The following MRTFA variants were observed in gnomAD, a reference collection of about 807,000 sequenced individuals.
The protein encoded by MRTFA is myocardin related transcription factor A, also known as myocardin-related transcription factor A.
A neutral mutation model predicts 83.5 loss-of-function variants in MRTFA; 20 were observed. The ratio of observed to expected loss-of-function variants is 0.24; its 90% CI spans 0.17 to 0.35. The LOEUF (loss-of-function observed/expected upper bound fraction) is 0.35. Ranked by LOEUF, MRTFA falls within the 10% of genes least tolerant of loss-of-function variation. MRTFA has a pLI of 1.00. For missense variants in MRTFA, 1,200 were observed against 1,224.7 expected, an observed-to-expected ratio of 0.98 and a Z score of 0.30; for synonymous variants, 659 against 541.2, an observed-to-expected ratio of 1.22 and a Z score of -3.02.
At chr22:40,591,787 C>T (rs1280855700) in intron 2 of MRTFA, among the ~76,000 whole-genome samples, 2 of 151,756 alleles carry the variant, frequency 1.3e-5, no homozygotes, top group Non-Finnish European at 2.9e-5. Flanking sequence ...AGGAAGTGGC[C>T]AAGAGGAAAA....
At chr22:40,461,135 G>A (rs1489567068) in intron 4 of MRTFA, among the ~76,000 whole-genome samples, 3 of 149,422 alleles carry the variant, frequency 2.0e-5, no homozygotes, top group Non-Finnish European at 4.4e-5. Context: ...AGCCAGAGAG[G>A]TGGACGCTGC....
chr22:40,455,642 T>C (rs1192894119), intron 4 of MRTFA, among the ~76,000 whole-genome samples: 3 of 79,774 alleles, frequency 3.8e-5, no homozygotes, highest in African/African-American at 1.8e-4. Flanking sequence ...CCAGATGCAG[T>C]CTCAAAAAAA....
chr22:40,451,452 T>G (rs1378524766), intron 4 of MRTFA, among the ~76,000 whole-genome samples: 3 of 152,142 alleles, frequency 2.0e-5, no homozygotes, highest in Non-Finnish European at 2.9e-5. Flanking sequence ...ACCACCCGTT[T>G]TGGCACCGGC....
At chr22:40,625,462 T>C (rs1274891149) in intron 1 of MRTFA, among the ~76,000 whole-genome samples, 2 of 145,246 alleles carry the variant, frequency 1.4e-5, no homozygotes, top group Non-Finnish European at 3.1e-5. Flanking sequence ...AATAAATAAA[T>C]AAATAAATAA....
chr22:40,458,367 C>G (rs2053634126), intron 4 of MRTFA, among the ~76,000 whole-genome samples: 1 of 152,168 alleles, frequency 6.6e-6, no homozygotes, highest in Non-Finnish European at 1.5e-5. Context: ...AGTTGAGATG[C>G]TATGATCAGA....
At chr22:40,489,401 G>A (rs2054232295) in intron 3 of MRTFA, among the ~76,000 whole-genome samples, 2 of 151,584 alleles carry the variant, frequency 1.3e-5, no homozygotes, top group Admixed American at 1.3e-4. Flanking sequence ...CCAGGCTGGA[G>A]TGCAGTGTCG....
At position 40,582,013 on chromosome 22, in the gene MRTFA, G is replaced by A. The variant is rs184618851; in HGVS notation, c.-22+12661C>T. On this transcript the variant is annotated intron_variant, in intron 2 of 14. Transcript: ENST00000355630. ...CAAAGCTGTGGAACCATTACTACTA[G>A]CTAATACATCTTCTTTACCTTAAAA... is the stretch of plus-strand genomic sequence containing the variant. Among the ~76,000 whole-genome samples, 16 of 152,246 alleles carry A rather than the reference G, an allele frequency of 1.1e-4. 1 individual carries two copies. In the East Asian group the frequency reaches 2.9e-3, roughly 28 times the overall value.
chr22:40,437,762 C>CAAAAAAAAA (rs1180457762), intron 4 of MRTFA, among the ~76,000 whole-genome samples: 1 of 105,874 alleles, frequency 9.4e-6, no homozygotes. Flanking sequence ...GACTCCGTCT[C>CAAAAAAAAA]AAAAAAAAAA....
chr22:40,440,133 C>CAA (rs1196005958), intron 4 of MRTFA, among the ~76,000 whole-genome samples: 1 of 127,358 alleles, frequency 7.9e-6, no homozygotes. Context: ...GCCTGGGTGA[C>CAA]AGAGTGAGAC....
chr22:40,524,710 C>T (rs1005126593), intron 3 of MRTFA, among the ~76,000 whole-genome samples: 2 of 150,440 alleles, frequency 1.3e-5, no homozygotes, highest in Non-Finnish European at 3.0e-5. Context: ...ATCTCCTAAT[C>T]ATTATGCTTC....
intron 1 of MRTFA, among the ~76,000 whole-genome samples, chr22:40,605,022 A>C (rs2056302873): frequency 6.6e-6 from 1 of 152,200 alleles, no homozygotes; most frequent in Non-Finnish European, 1.5e-5. Context: ...ATTAAACCCC[A>C]AAACACGAAT....
At chr22:40,559,393 G>A (rs1329419218) in intron 2 of MRTFA, among the ~76,000 whole-genome samples, 1 of 151,716 alleles carries the variant, frequency 6.6e-6, no homozygotes, top group African/African-American at 2.4e-5. Context: ...TCCCAGGGAG[G>A]AAAAAATGGT....
intron 2 of MRTFA, chr22:40,587,691 G>A (rs2056052747): frequency 3.0e-6 from 1 of 329,726 alleles, no homozygotes; most frequent in Non-Finnish European, 6.1e-6. Context: ...GTTTTGGTTG[G>A]TGCAAACATG....
chr22:40,613,836 C>T (rs1210782275), intron 1 of MRTFA, among the ~76,000 whole-genome samples: 6 of 152,008 alleles, frequency 3.9e-5, no homozygotes, highest in African/African-American at 7.2e-5. Context: ...CTTGAACACA[C>T]GAGGCAAAGG....
intron 2 of MRTFA, among the ~76,000 whole-genome samples, chr22:40,581,088 A>C (rs1012673657): frequency 1.3e-5 from 2 of 151,986 alleles, no homozygotes; most frequent in African/African-American, 4.8e-5. Context: ...GCTGGATTAC[A>C]GGCATGAGCC....
chr22:40,498,252 CATATATAT>C (rs200779719), intron 3 of MRTFA, among the ~76,000 whole-genome samples: 1 of 77,532 alleles, frequency 1.3e-5, no homozygotes, highest in African/African-American at 5.8e-5. Flanking sequence ...GTACACACTT[CATATATAT>C]ATATATATAT....
chr22:40,541,833 A>G (rs1024813842), intron 3 of MRTFA, among the ~76,000 whole-genome samples: 1 of 151,798 alleles, frequency 6.6e-6, no homozygotes, highest in Admixed American at 6.6e-5. Flanking sequence ...CGCCCAGCTA[A>G]ATTTTTGTAT....
At chr22:40,547,844 A>G (rs2055389044) in intron 3 of MRTFA, among the ~76,000 whole-genome samples, 1 of 147,824 alleles carries the variant, frequency 6.8e-6, no homozygotes, top group Admixed American at 6.8e-5. Flanking sequence ...ACAGGGCGAG[A>G]CTGTCTCCCA....
At chr22:40,532,046 C>G (rs1340148369) in intron 3 of MRTFA, among the ~76,000 whole-genome samples, 1 of 152,214 alleles carries the variant, frequency 6.6e-6, no homozygotes, top group African/African-American at 2.4e-5. Context: ...TTCATTTCAC[C>G]TACTATCATC....
Sources: gnomAD v4.1 joint callset for allele counts (sites outside exome capture counted in the v4.1 genomes callset) on GRCh38, gnomAD v4.1.1 for gene constraint, MANE v1.5 for transcripts, NCBI Gene and HGNC (gene_info 2026-07-23, HGNC 2026-07-21) for gene names.